Variants in DCAF8L2 observed in about 807,000 individuals in gnomAD.
DCAF8L2 encodes DDB1 and CUL4 associated factor 8 like 2.
For synonymous variants in DCAF8L2, 200 were observed against 190.9 expected, an observed-to-expected ratio of 1.05 and a Z score of -0.39; for missense variants, 430 against 490.7, an observed-to-expected ratio of 0.88 and a Z score of 1.17.
chrX:27,719,382 T>C (rs1931809700), intron 4 of DCAF8L2, among the ~76,000 whole-genome samples: 1 of 110,604 alleles, frequency 9.0e-6, no homozygotes, highest in Admixed American at 9.7e-5. Context: ...ATAAAACATA[T>C]ATAAAGAAAG....
intron 3 of DCAF8L2, among the ~76,000 whole-genome samples, chrX:27,691,236 A>G (rs1176306582): frequency 8.9e-6 from 1 of 111,823 alleles, no homozygotes; most frequent in Admixed American, 9.6e-5. Flanking sequence ...ATTTTATACT[A>G]TAAATTATTT....
chrX:27,741,298 T>A (rs975654545), intron 4 of DCAF8L2, among the ~76,000 whole-genome samples: 1 of 110,677 alleles, frequency 9.0e-6, no homozygotes, highest in South Asian at 3.9e-4. Flanking sequence ...TCTGTTAAAA[T>A]TTGATCCCCA....
At chrX:27,735,765 G>A (rs961927674) in intron 4 of DCAF8L2, among the ~76,000 whole-genome samples, 1 of 111,496 alleles carries the variant, frequency 9.0e-6, no homozygotes. Flanking sequence ...ACATTACAGT[G>A]AATCAGAAAG....
the DCAF8L2 span, among the ~76,000 whole-genome samples, chrX:27,517,058 A>G: frequency 1.8e-5 from 2 of 111,833 alleles, no homozygotes; most frequent in Non-Finnish European, 3.8e-5. Flanking sequence ...ATTACAGGAG[A>G]TAATACACCA....
intron 1 of DCAF8L2, among the ~76,000 whole-genome samples, chrX:27,628,981 C>A (rs1007822544): frequency 1.8e-5 from 2 of 111,493 alleles, no homozygotes; most frequent in African/African-American, 3.3e-5. Context: ...ATGTTGATTA[C>A]CTTCTCATAT....
intron 4 of DCAF8L2, among the ~76,000 whole-genome samples, chrX:27,731,153 C>T (rs1327223112): frequency 9.1e-6 from 1 of 110,016 alleles, no homozygotes; most frequent in South Asian, 3.9e-4. Context: ...GAGACCGAGG[C>T]GGGTGGATCA....
the DCAF8L2 span, among the ~76,000 whole-genome samples, chrX:27,492,470 T>C: frequency 0.025 from 2,569 of 101,919 alleles, 87 homozygotes; most frequent in African/African-American, 0.091. Context: ...GTTTTTCTTT[T>C]TTCTTTCTTT....
the DCAF8L2 span, among the ~76,000 whole-genome samples, chrX:27,583,989 A>G: frequency 1.8e-5 from 2 of 111,948 alleles, no homozygotes; most frequent in East Asian, 2.8e-4. Context: ...CTAGGAACTC[A>G]GTGATCTACA....
chrX:27,735,288 G>A (rs753093316), intron 4 of DCAF8L2, among the ~76,000 whole-genome samples: 1 of 111,307 alleles, frequency 9.0e-6, no homozygotes, highest in Non-Finnish European at 1.9e-5. Flanking sequence ...TGAAGTACTA[G>A]ATAAAACAGC....
chrX:27,639,756 C>T (rs1339506595), intron 2 of DCAF8L2, among the ~76,000 whole-genome samples: 3 of 111,038 alleles, frequency 2.7e-5, no homozygotes, highest in Non-Finnish European at 5.7e-5. Flanking sequence ...GTAACATCCA[C>T]AGGCTCTGTT....
At chrX:27,516,488 A>G in the DCAF8L2 span, among the ~76,000 whole-genome samples, 1 of 99,788 alleles carries the variant, frequency 1.0e-5, no homozygotes, top group Admixed American at 1.1e-4. Context: ...ACACACACAA[A>G]CACACACACA....
At chrX:27,560,172 C>T in the DCAF8L2 span, among the ~76,000 whole-genome samples, 1 of 106,603 alleles carries the variant, frequency 9.4e-6, no homozygotes, top group Non-Finnish European at 1.9e-5. Flanking sequence ...GAGGGTGAGG[C>T]AGGAGAATGG....
At chrX:27,660,508 A>C (rs141979715) in intron 2 of DCAF8L2, among the ~76,000 whole-genome samples, 2,115 of 111,169 alleles carry the variant, frequency 0.019, 41 homozygotes, top group African/African-American at 0.064. Context: ...TGATTTCTTC[A>C]GTTGTAATTA....
Position 27,713,735 on chromosome X carries a change from G to C in DCAF8L2, c.-142-2353G>C, listed in dbSNP as rs1260288589. ...AAACTTTGTCAGCCATATGATCTCT[G>C]TCATAACTGCAACCATAGGTAACAT... On this transcript the variant is annotated intron_variant, in intron 3 of 4. Coordinates refer to ENST00000451261, the MANE Select transcript of DCAF8L2 (RefSeq NM_001353450.2). Among the ~76,000 whole-genome samples the C allele has an allele frequency of 3.6e-5, 4 of 111,538 alleles. No homozygotes were observed. In the East Asian group the frequency reaches 1.1e-3, roughly 31 times the overall value.
intron 2 of DCAF8L2, among the ~76,000 whole-genome samples, chrX:27,671,812 CTG>C (rs1490499203): frequency 8.9e-6 from 1 of 111,828 alleles, no homozygotes. Flanking sequence ...ATAATTCTAA[CTG>C]AAATACACAA....
the DCAF8L2 span, among the ~76,000 whole-genome samples, chrX:27,502,377 T>TATATATATA: frequency 3.3e-4 from 24 of 72,983 alleles, no homozygotes; most frequent in East Asian, 4.9e-4. Context: ...TATATATATA[T>TATATATATA]TGGCTGTGCA....
chrX:27,479,820 G>T, the DCAF8L2 span, among the ~76,000 whole-genome samples: 1 of 111,843 alleles, frequency 8.9e-6, no homozygotes, highest in African/African-American at 3.3e-5. Context: ...TTCACTATAC[G>T]ACAGCAGTGG....
At chrX:27,625,006 A>G (rs1465354148) in intron 1 of DCAF8L2, among the ~76,000 whole-genome samples, 1 of 112,363 alleles carries the variant, frequency 8.9e-6, no homozygotes, top group African/African-American at 3.2e-5. Flanking sequence ...AATGGAATCT[A>G]ATTAAACTAA....
At chrX:27,544,745 C>T in the DCAF8L2 span, among the ~76,000 whole-genome samples, 3 of 111,857 alleles carry the variant, frequency 2.7e-5, no homozygotes, top group African/African-American at 9.7e-5. Flanking sequence ...TAACTCAAAA[C>T]CTGTGAAGCA....
Sources: allele counts gnomAD v4.1 joint callset (sites outside exome capture counted in the v4.1 genomes callset), GRCh38; gene constraint gnomAD v4.1.1; transcripts MANE v1.5; gene names NCBI Gene and HGNC (gene_info 2026-07-23, HGNC 2026-07-21).